Variants in RPLP2 observed in about 807,000 individuals in gnomAD.
RPLP2 encodes large ribosomal subunit protein P2.
A neutral mutation model predicts 11.5 loss-of-function variants in RPLP2; 1 was observed. That is an observed-to-expected ratio of 0.09 (90% CI 0.03 to 0.41). The LOEUF (loss-of-function observed/expected upper bound fraction) is 0.41. RPLP2 is among the 10% of genes least tolerant of loss of function. The pLI is 0.98. For missense variants in RPLP2, 177 were observed against 145.6 expected, an observed-to-expected ratio of 1.22 and a Z score of -1.11; for synonymous variants, 82 against 55.9, an observed-to-expected ratio of 1.47 and a Z score of -2.08.
At position 811,745 on chromosome 11, in the gene RPLP2, CCCTAGAAG is replaced by C. The variant is rs763797680; in HGVS notation, c.172+104_172+111del. The C allele has an allele frequency of 4.8e-6, 7 of 1,450,668 alleles. No individual in the cohort carries two copies. The African/African-American group carries it at 7.0e-5, about 14-fold the overall frequency. The allele number at this position is 1,450,668 out of a possible 1,614,324, so 89.9% of individuals were successfully genotyped here. A position where few individuals can be genotyped will look rare whatever the true frequency, so the allele number is the denominator to read the frequency against. Reference sequence around the variant, plus strand: ...CAGGTTTCGCTTGTGGACCAGAGCACCCTAGAAGCCTCACCCGAGGAGTGAGCAGGGCT... The same window carrying C: ...CAGGTTTCGCTTGTGGACCAGAGCACCCTCACCCGAGGAGTGAGCAGGGCT... On this transcript the variant is annotated intron_variant, in intron 3 of 4. Coordinates refer to ENST00000321153, the MANE Select transcript of RPLP2 (RefSeq NM_001004.4).
At position 811,456 on chromosome 11, in the gene RPLP2, C is replaced by T. The variant is rs116068818; in HGVS notation, c.124-141C>T. The T allele has an allele frequency of 3.9e-3, 3,461 of 882,444 alleles. 86 individuals carry two copies. In the African/African-American group the frequency reaches 0.053, roughly 14 times the overall value. The allele number at this position is 882,444 out of a possible 1,614,324, so 54.7% of individuals were successfully genotyped here. A position where few individuals can be genotyped will look rare whatever the true frequency, so the allele number is the denominator to read the frequency against. On this transcript the variant is annotated intron_variant, in intron 2 of 4. Coordinates refer to ENST00000321153, the MANE Select transcript of RPLP2 (RefSeq NM_001004.4). Reference sequence around the variant, plus strand: ...ATCACTTCCCAAGTGAGGCTGGTGGCTCCCTTTGGGCAGTGCAGTTCTGGA... The same window carrying T: ...ATCACTTCCCAAGTGAGGCTGGTGGTTCCCTTTGGGCAGTGCAGTTCTGGA...
rs763638917 is a variant in RPLP2 at position 812,835 on chromosome 11, A to G, written c.347A>G (p.Ter116=). 6.2e-7 allele frequency: 1 copy of G among 1,612,894 alleles called. No homozygotes were observed. The highest frequency in any genetic ancestry group is 1.1e-5 in the South Asian group (1 of 91,016). The change falls in exon 5 of 5, where the codon TAA becomes TGA. Residue 116 remains the stop codon, a stop_retained_variant. Transcript: ENST00000321153. ...GACATGGGATTTGGCCTTTTTGATT[A>G]AATTCCTGCTCCCCTGCAAATAAAG... The part of the protein sequence containing the change: ...DDDMGFGLFD[*]
At chr11:812,450 C>T (rs1398212603) in intron 3 of RPLP2, 85 bp from the exon 4 acceptor site, 12 of 1,561,016 alleles carry the variant, frequency 7.7e-6, no homozygotes, top group Non-Finnish European at 9.6e-6. Context: ...GTGCCATGTG[C>T]CATCTCTGGT....
chr11:812,662 G>C, intron 4 of RPLP2, 29 bp downstream of exon 4: 1 of 1,611,680 alleles, frequency 6.2e-7, no homozygotes, highest in South Asian at 1.1e-5. Context: ...AGTGGGCAAG[G>C]GGCTGGGGCT....
In RPLP2 at chr11:811,701, C is replaced by A. The variant is rs770623032; in HGVS notation, c.172+56C>A. The A allele has an allele frequency of 3.1e-6, 5 of 1,609,514 alleles. No homozygotes were observed. The South Asian group carries it at 5.5e-5, about 18-fold the overall frequency. On this transcript the variant is annotated intron_variant, in intron 3 of 4. Transcript: ENST00000321153. ...TTTCATGGTCCATCCTAATCCCTGC[C>A]GGTCCATCTGTGGCCTGCCAGGTTT...
intron 2 of RPLP2, 77 bp from the exon 3 acceptor site, chr11:811,520 G>T: frequency 3.8e-6 from 6 of 1,580,396 alleles, no homozygotes; most frequent in Non-Finnish European, 5.2e-6. Context: ...ACCCAGTCCT[G>T]CTGTGACTCT....
At chr11:811,559 T>A (rs1433218693) in intron 2 of RPLP2, 38 bp from the exon 3 acceptor site, 1 of 1,613,752 alleles carries the variant, frequency 6.2e-7, no homozygotes, top group Admixed American at 1.7e-5. Flanking sequence ...GATACAATCG[T>A]ACATTCCTGG....
intron 2 of RPLP2, 51 bp from the exon 3 acceptor site, chr11:811,546 G>C: frequency 1.2e-6 from 2 of 1,610,388 alleles, no homozygotes; most frequent in Non-Finnish European, 1.7e-6. Context: ...GGAGAGGGCC[G>C]GGGATACAAT....
chr11:810,884 TAAAA>T (rs11306372), intron 2 of RPLP2, among the ~76,000 whole-genome samples: 1 of 141,334 alleles, frequency 7.1e-6, no homozygotes, highest in Non-Finnish European at 1.5e-5. Context: ...AAGATTGCGT[TAAAA>T]AAAAAAAAAA....
At chr11:810,429 C>G (rs1412900328) in intron 2 of RPLP2, 72 bp downstream of exon 2, 7 of 1,433,406 alleles carry the variant, frequency 4.9e-6, no homozygotes, top group Admixed American at 1.9e-5. Flanking sequence ...TCTGCCTGAT[C>G]CGGCCACATG....
At chr11:812,324 G>C in intron 3 of RPLP2, 1 of 627,262 alleles carries the variant, frequency 1.6e-6, no homozygotes, top group Non-Finnish European at 2.8e-6. Flanking sequence ...TTCCTAGAAG[G>C]CAAGTCCCTG....
chr11:811,370 G>C (rs963725811), intron 2 of RPLP2: 2 of 588,928 alleles, frequency 3.4e-6, no homozygotes, highest in South Asian at 4.1e-5. Flanking sequence ...TAAGTAGTGA[G>C]ATGCCCTGTG....
chr11:810,283 TC>T lies in RPLP2; in HGVS notation c.54del (p.Ser19AlafsTer28). On this transcript the variant is annotated frameshift_variant, in exon 2 of 5. Coordinates refer to ENST00000321153, the MANE Select transcript of RPLP2 (RefSeq NM_001004.4). LOFTEE classifies it high-confidence loss of function. ...GCTGGCTGCCCTAGGGGGCAACTCC[TC>T]CCCCAGCGCCAAGGACATCAAGAAG... ...YLLAALGGNS[S>X]PSAKDIKKIL... The T allele has an allele frequency of 1.2e-6, 2 of 1,607,352 alleles. No homozygotes were observed. Among genetic ancestry groups the T allele is most frequent in the South Asian group, 1.1e-5 (1 of 90,214 alleles).
rs146302294 is a variant in RPLP2 at position 812,520 on chromosome 11, C to T, written c.173-15C>T. 4 of 1,608,540 alleles carry T rather than the reference C, an allele frequency of 2.5e-6. No homozygotes were observed. Among genetic ancestry groups the T allele is most frequent in the Admixed American group, 1.7e-5 (1 of 60,014 alleles). On this transcript the variant is annotated splice_polypyrimidine_tract_variant and intron_variant, in intron 3 of 4. Transcript: ENST00000321153. ...CTGGGCAGCTGCTCTGGTCTCACCT[C>T]TCTGCTTTCTGTAGGTATTGGCAAG...
In RPLP2 at chr11:810,340, G is replaced by A. The variant is rs1225541983; in HGVS notation, c.106G>A (p.Asp36Asn). The A allele has an allele frequency of 3.7e-6, 6 of 1,607,584 alleles. No homozygotes were observed. In the South Asian group the frequency reaches 4.4e-5, roughly 12 times the overall value. ...GGACAGCGTGGGTATCGAGGCGGAC[G>A]ACGACCGGCTCAACAAGGTAGCGGC... ...ILDSVGIEAD[D>N]DRLNKVISEL... Residue 36 changes from aspartate to asparagine, a missense_variant, in exon 2 of 5, where the codon GAC (aspartate) becomes AAC (asparagine). Asp to Asn is a conservative substitution (Grantham distance 23). Coordinates refer to ENST00000321153, the MANE Select transcript of RPLP2 (RefSeq NM_001004.4).
intron 3 of RPLP2, chr11:812,073 G>A: frequency 5.2e-6 from 2 of 381,558 alleles, no homozygotes; most frequent in South Asian, 4.4e-5. Flanking sequence ...GTTGGCTTCA[G>A]CTGAGCTGGT....
At chr11:811,154 C>G (rs958267876) in intron 2 of RPLP2, among the ~76,000 whole-genome samples, 3 of 152,050 alleles carry the variant, frequency 2.0e-5, no homozygotes, top group Non-Finnish European at 4.4e-5. Flanking sequence ...TCTAACAGAA[C>G]CAGGCCTCGT....
At chr11:812,146 G>A (rs182326149) in intron 3 of RPLP2, 2 of 381,222 alleles carry the variant, frequency 5.2e-6, no homozygotes, top group East Asian at 1.3e-4. Flanking sequence ...ATGTGACCAC[G>A]ACAGGGCCAG....
chr11:811,631 A>C lies in RPLP2; in HGVS notation c.158A>C (p.Asp53Ala). Residue 53 changes from aspartate to alanine, a missense_variant, in exon 3 of 5, where the codon GAC (aspartate) becomes GCC (alanine). Physicochemically the swap from Asp to Ala is moderately radical, Grantham distance 126. Coordinates refer to ENST00000321153, the MANE Select transcript of RPLP2 (RefSeq NM_001004.4). ...GAGCTGAATGGAAAAAACATTGAAG[A>C]CGTCATTGCCCAGGGTGAGTTGATG... ...ISELNGKNIE[D>A]VIAQGIGKLA... The C allele has an allele frequency of 6.2e-7, 1 of 1,614,096 alleles. No homozygotes were observed. Among genetic ancestry groups the C allele is most frequent in the Non-Finnish European group, 8.5e-7 (1 of 1,179,998 alleles).
Sources: gnomAD v4.1 joint callset for allele counts (sites outside exome capture counted in the v4.1 genomes callset) on GRCh38, gnomAD v4.1.1 for gene constraint, MANE v1.5 for transcripts, NCBI Gene and HGNC (gene_info 2026-07-23, HGNC 2026-07-21) for gene names.